SP1: variants seen among roughly 807,000 people sequenced by gnomAD.
SP1 encodes Sp1 transcription factor.
A neutral mutation model predicts 66.3 loss-of-function variants in SP1; 6 were observed. That is an observed-to-expected ratio of 0.09 (90% CI 0.05 to 0.18). The LOEUF (loss-of-function observed/expected upper bound fraction) is 0.18. SP1 is among the 10% of genes least tolerant of loss of function. The probability of loss-of-function intolerance (pLI) is 1.00; values close to 1 mark genes in which losing one functional copy is unlikely to be tolerated. For missense variants in SP1, 848 were observed against 964.5 expected, an observed-to-expected ratio of 0.88 and a Z score of 1.60; for synonymous variants, 417 against 360.8, an observed-to-expected ratio of 1.16 and a Z score of -1.77.
rs182366369 is a variant in SP1, at chr12:53,413,297, T to G, written c.*2057T>G. On this transcript the variant is annotated 3_prime_UTR_variant, in exon 6 of 6. Transcript: ENST00000327443. ...TACTTTTTTAAAAAGAAACTATTTT[T>G]GTGTTTGAAAGTGAAACCAACATCC... 1.5e-3 allele frequency: 231 copies of G among 152,400 alleles called. 1 individual carries two copies. Among genetic ancestry groups the G allele is most frequent in the African/African-American group, 5.1e-3 (211 of 41,576 alleles). The allele number at this position is 152,400 out of a possible 1,614,324, so 9.4% of individuals were successfully genotyped here.
chr12:53,392,608 C>T (rs1350764119), intron 3 of SP1, among the ~76,000 whole-genome samples: 4 of 151,758 alleles, frequency 2.6e-5, no homozygotes, highest in Non-Finnish European at 5.9e-5. Flanking sequence ...CCGCCCGCCT[C>T]GGCCTCCCAA....
intron 3 of SP1, among the ~76,000 whole-genome samples, chr12:53,385,746 C>T (rs763672708): frequency 8.6e-5 from 13 of 151,782 alleles, no homozygotes; most frequent in Non-Finnish European, 1.8e-4. Context: ...AACCCCGTCT[C>T]TACTAAAAAT....
chr12:53,414,064 C>T lies in SP1; in HGVS notation c.*2824C>T, dbSNP rs1040574005. ...TCTTCCACAGGAAGTTTGGAGCCTA[C>T]ATTCCTTGAGTCAGGAGCTTATTAC... On this transcript the variant is annotated 3_prime_UTR_variant, in exon 6 of 6. Transcript: ENST00000327443. The T allele has an allele frequency of 2.0e-5, 3 of 152,234 alleles. No individual in the cohort carries two copies. The highest frequency in any genetic ancestry group is 7.2e-5 in the African/African-American group (3 of 41,460). The allele number at this position is 152,234 out of a possible 1,614,324, so 9.4% of individuals were successfully genotyped here.
chr12:53,381,555 C>G (rs1938097655), intron 1 of SP1, 104 bp from the exon 2 acceptor site: 4 of 1,089,486 alleles, frequency 3.7e-6, no homozygotes, highest in Non-Finnish European at 5.2e-6. Flanking sequence ...TGGCTTTCGC[C>G]TTCCTGTTAG....
intron 3 of SP1, among the ~76,000 whole-genome samples, chr12:53,404,677 TA>T (rs1172500914): frequency 6.6e-6 from 1 of 152,160 alleles, no homozygotes. Flanking sequence ...TATTTATATA[TA>T]TTTTTTTGAG....
intron 3 of SP1, among the ~76,000 whole-genome samples, chr12:53,389,230 T>C (rs925895993): frequency 6.7e-6 from 1 of 150,122 alleles, no homozygotes; most frequent in Non-Finnish European, 1.5e-5. Context: ...TTTTTTTTTT[T>C]TTTTTTGGGA....
intron 3 of SP1, among the ~76,000 whole-genome samples, chr12:53,385,707 G>A (rs570414430): frequency 6.2e-4 from 95 of 152,214 alleles, no homozygotes; most frequent in Admixed American, 1.1e-3. Context: ...GAGGTCAGGA[G>A]TTCAAGACCA....
chr12:53,415,036 C>G lies in SP1; in HGVS notation c.*3796C>G, dbSNP rs556267920. ...GAAAATGTGAAATCTCAGAATTTATCTCCCTTAGAAGAGAGCCAGTAACTT... is the reference window on the plus strand; with the variant it reads ...GAAAATGTGAAATCTCAGAATTTATGTCCCTTAGAAGAGAGCCAGTAACTT... On this transcript the variant is annotated 3_prime_UTR_variant, in exon 6 of 6. Transcript: ENST00000327443. 1 of 152,704 alleles carries G rather than the reference C, an allele frequency of 6.5e-6. No homozygotes were observed. Among genetic ancestry groups the G allele is most frequent in the Admixed American group, 6.5e-5 (1 of 15,280 alleles). The allele number at this position is 152,704 out of a possible 1,614,324, so 9.5% of individuals were successfully genotyped here.
chr12:53,396,938 T>C (rs950786959), intron 3 of SP1, among the ~76,000 whole-genome samples: 27 of 152,088 alleles, frequency 1.8e-4, no homozygotes, highest in African/African-American at 6.3e-4. Flanking sequence ...CTCTCCTGTT[T>C]TCTTGAGAGT....
chr12:53,380,181 C>A lies in SP1; in HGVS notation c.-111C>A. 1.3e-6 allele frequency: 1 copy of A among 752,142 alleles called. No individual in the cohort carries two copies. Among genetic ancestry groups the A allele is most frequent in the South Asian group, 1.5e-5 (1 of 68,310 alleles). 46.6% of individuals were successfully genotyped at this position (752,142 alleles called of 1,614,324 possible). On this transcript the variant is annotated 5_prime_UTR_variant, in exon 1 of 6. Transcript: ENST00000327443. ...CGCGCTGCTCCCTCCTCCTTACCCC[C>A]CCCTCCCTGTCCGGTCCGGGTTCGC...
Position 53,412,511 on chromosome 12 carries a change from G to C in SP1, c.*1271G>C, listed in dbSNP as rs1938915015. 6.6e-6 allele frequency: 1 copy of C among 152,590 alleles called. No homozygotes were observed. Among genetic ancestry groups the C allele is most frequent in the Admixed American group, 6.6e-5 (1 of 15,256 alleles). 9.5% of individuals were successfully genotyped at this position (152,590 alleles called of 1,614,324 possible). On this transcript the variant is annotated 3_prime_UTR_variant, in exon 6 of 6. Coordinates refer to ENST00000327443, the MANE Select transcript of SP1 (RefSeq NM_138473.3). ...TTTCCATTGTCAATAAGGAGCATCA[G>C]CCAGTGAATCTGTTTCAGGTTTCCA...
At chr12:53,381,909 CTA>C in intron 2 of SP1, 96 bp downstream of exon 2, 3 of 1,398,076 alleles carry the variant, frequency 2.1e-6, no homozygotes, top group Non-Finnish European at 2.9e-6. Flanking sequence ...TAGGGAGAGA[CTA>C]AACCATTTTA....
At chr12:53,408,208 T>TA (rs1468635653) in intron 4 of SP1, among the ~76,000 whole-genome samples, 1 of 132,768 alleles carries the variant, frequency 7.5e-6, no homozygotes, top group Non-Finnish European at 1.6e-5. Context: ...ATCGTGCCGT[T>TA]ACACTCTAGC....
At position 53,383,281 on chromosome 12, in the gene SP1, A is replaced by G. The variant is rs1429446711; in HGVS notation, c.1334A>G (p.Asn445Ser). Residue 445 changes from asparagine (N) to serine (S), a missense_variant, in exon 3 of 6, where the codon AAC becomes AGC. Physicochemically the swap from Asn to Ser is conservative, Grantham distance 46 (BLOSUM62 1). Coordinates refer to ENST00000327443, the MANE Select transcript of SP1 (RefSeq NM_138473.3). ...AACCTCCAGCTTCAGGCTGTTCCAA[A>G]CTCTGGTCCCATCATCATCCGGACA... Reference protein sequence around the residue: ...LQNLQLQAVPNSGPIIIRTPT... With the variant: ...LQNLQLQAVPSSGPIIIRTPT... 3.1e-6 allele frequency: 5 copies of G among 1,613,992 alleles called. No homozygotes were observed. The South Asian group carries it at 5.5e-5, about 18-fold the overall frequency.
At chr12:53,388,025 A>T (rs1477830773) in intron 3 of SP1, among the ~76,000 whole-genome samples, 1 of 152,220 alleles carries the variant, frequency 6.6e-6, no homozygotes, top group East Asian at 1.9e-4. Context: ...TTTTGATTTA[A>T]GATTTAATGC....
chr12:53,396,336 G>T (rs971982081), intron 3 of SP1, among the ~76,000 whole-genome samples: 1 of 150,554 alleles, frequency 6.6e-6, no homozygotes, highest in African/African-American at 2.4e-5. Context: ...TTGGGAGGCC[G>T]AGACGGGTGG....
In SP1 at chr12:53,416,431, G is replaced by C. The variant is rs1380166131; in HGVS notation, c.*5191G>C. ...GCCTCCTTTGTAAACCAATTAAAAA[G>C]TTTTTTAATAAAAAACCATGTCTCT... On this transcript the variant is annotated 3_prime_UTR_variant, in exon 6 of 6. Coordinates refer to ENST00000327443, the MANE Select transcript of SP1 (RefSeq NM_138473.3). The C allele has an allele frequency of 6.9e-6, 1 of 145,438 alleles. No homozygotes were observed. The allele number at this position is 145,438 out of a possible 1,614,324, so 9.0% of individuals were successfully genotyped here.
At chr12:53,380,520 G>A in intron 1 of SP1, 1 of 522,950 alleles carries the variant, frequency 1.9e-6, no homozygotes, top group Non-Finnish European at 2.7e-6. Flanking sequence ...AGGGGGCAGC[G>A]TGGCCTCGCC....
In SP1 at chr12:53,380,569, C is replaced by G. The variant is rs977284739; in HGVS notation, c.7+271C>G. ...CCCCGGCCACGGGGGACGGGCCTTACCCCCCACTACTCGGCCGCCCGCCTG... is the reference window on the plus strand; with the variant it reads ...CCCCGGCCACGGGGGACGGGCCTTAGCCCCCACTACTCGGCCGCCCGCCTG... On this transcript the variant is annotated intron_variant, in intron 1 of 5. Coordinates refer to ENST00000327443, the MANE Select transcript of SP1 (RefSeq NM_138473.3). 6.5e-6 allele frequency: 5 copies of G among 772,632 alleles called. No homozygotes were observed. In the African/African-American group the frequency reaches 7.5e-5, roughly 12 times the overall value. The allele number at this position is 772,632 out of a possible 1,614,324, so 47.9% of individuals were successfully genotyped here.
Sources: allele counts gnomAD v4.1 joint callset (sites outside exome capture counted in the v4.1 genomes callset), GRCh38; gene constraint gnomAD v4.1.1; transcripts MANE v1.5; gene names NCBI Gene and HGNC (gene_info 2026-07-23, HGNC 2026-07-21).